MDGA2: variants seen among roughly 807,000 people sequenced by gnomAD.
MDGA2 encodes MAM domain containing glycosylphosphatidylinositol anchor 2.
A neutral mutation model predicts 117.8 loss-of-function variants in MDGA2; 40 were observed. The ratio of observed to expected loss-of-function variants is 0.34; its 90% CI spans 0.26 to 0.44. The LOEUF is 0.44. Among genes scored for constraint, MDGA2 ranks in the 20% least tolerant of loss-of-function variants. The pLI, the probability that MDGA2 is intolerant of heterozygous loss-of-function variation, is 1.00. For missense variants in MDGA2, 1,123 were observed against 1,250.6 expected, an observed-to-expected ratio of 0.90 and a Z score of 1.54; for synonymous variants, 452 against 439.0, an observed-to-expected ratio of 1.03 and a Z score of -0.37.
At chr14:46,978,849 G>C (rs1402906140) in intron 8 of MDGA2, among the ~76,000 whole-genome samples, 5 of 152,050 alleles carry the variant, frequency 3.3e-5, no homozygotes. Flanking sequence ...TAGATACTGA[G>C]TTTGCAAAAA....
intron 1 of MDGA2, among the ~76,000 whole-genome samples, chr14:47,347,212 T>C (rs1383546128): frequency 6.6e-6 from 1 of 152,234 alleles, no homozygotes; most frequent in Admixed American, 6.5e-5. Flanking sequence ...GGCCAGATTT[T>C]ATTTTTAAAA....
chr14:47,522,305 G>A (rs1340428723), intron 1 of MDGA2, among the ~76,000 whole-genome samples: 1 of 150,776 alleles, frequency 6.6e-6, no homozygotes, highest in Non-Finnish European at 1.5e-5. Flanking sequence ...TTATATGTGT[G>A]GGTATATATA....
chr14:46,896,041 T>C (rs1406145057), intron 10 of MDGA2, among the ~76,000 whole-genome samples: 1 of 152,210 alleles, frequency 6.6e-6, no homozygotes, highest in Non-Finnish European at 1.5e-5. Context: ...CTATACACTT[T>C]GATGGATTAT....
At chr14:47,104,035 T>C (rs1880494354) in intron 5 of MDGA2, among the ~76,000 whole-genome samples, 1 of 152,236 alleles carries the variant, frequency 6.6e-6, no homozygotes, top group African/African-American at 2.4e-5. Flanking sequence ...ACTGACTTTG[T>C]ATGTTTACTT....
chr14:47,424,912 A>G (rs1892653998), intron 1 of MDGA2, among the ~76,000 whole-genome samples: 1 of 152,150 alleles, frequency 6.6e-6, no homozygotes, highest in Non-Finnish European at 1.5e-5. Flanking sequence ...GAGATATGGA[A>G]AAGGCATCTT....
At chr14:47,243,362 G>A (rs1309737253) in intron 2 of MDGA2, among the ~76,000 whole-genome samples, 1 of 151,674 alleles carries the variant, frequency 6.6e-6, no homozygotes, top group Non-Finnish European at 1.5e-5. Context: ...CCAGATAAGA[G>A]AATAAAAGCA....
chr14:47,394,982 G>C (rs112808973), intron 1 of MDGA2, among the ~76,000 whole-genome samples: 1 of 151,906 alleles, frequency 6.6e-6, no homozygotes, highest in Non-Finnish European at 1.5e-5. Context: ...TGAGACCCCC[G>C]TCTCTGCAAA....
chr14:47,444,707 T>G (rs548176478), intron 1 of MDGA2, among the ~76,000 whole-genome samples: 4 of 152,050 alleles, frequency 2.6e-5, no homozygotes, highest in Non-Finnish European at 4.4e-5. Context: ...CACCAGACCT[T>G]TAAAAAAATG....
rs778038086 is a variant in MDGA2 at position 46,845,788 on chromosome 14, T to C, written c.2967A>G (p.Ala989=). ...TACTCTTAGTTGCTAGGTCTTGTTT[T>C]GCACATTCTCCTTCTGCAATTGATA... ...DDVSIAEGEC[A]KQDLATKNSV... The change falls in exon 16 of 17, where the codon GCA becomes GCG. Residue 989 remains alanine (A), a synonymous_variant. Coordinates refer to ENST00000399232, the MANE Select transcript of MDGA2 (RefSeq NM_001113498.3). 1 of 1,612,952 alleles carries C rather than the reference T, an allele frequency of 6.2e-7. No homozygotes were observed.
chr14:47,384,998 T>C lies in MDGA2; in HGVS notation c.281-83448A>G, dbSNP rs1253720142. Among the ~76,000 whole-genome samples, 6 of 152,182 alleles carry C rather than the reference T, an allele frequency of 3.9e-5. No homozygotes were observed. The East Asian group carries it at 1.2e-3, about 29-fold the overall frequency. On this transcript the variant is annotated intron_variant, in intron 1 of 16. Coordinates refer to ENST00000399232, the MANE Select transcript of MDGA2 (RefSeq NM_001113498.3). ...AAGGGAGCAAACATTTTTCTTGATG[T>C]GAGCAGACATGATTTCAAGTTCTAA...
chr14:47,067,833 A>AC (rs1313016214), intron 6 of MDGA2, among the ~76,000 whole-genome samples: 1 of 152,202 alleles, frequency 6.6e-6, no homozygotes, highest in Non-Finnish European at 1.5e-5. Context: ...ATGCAGTGTT[A>AC]GTCTTAAAAG....
At chr14:46,987,717 A>G (rs1886913263) in intron 8 of MDGA2, among the ~76,000 whole-genome samples, 1 of 152,082 alleles carries the variant, frequency 6.6e-6, no homozygotes, top group African/African-American at 2.4e-5. Flanking sequence ...GAAGGGAATG[A>G]CAGTGAAACT....
chr14:47,161,372 T>C (rs1883625764), intron 3 of MDGA2, among the ~76,000 whole-genome samples: 2 of 152,054 alleles, frequency 1.3e-5, no homozygotes, highest in South Asian at 4.1e-4. Context: ...TGATTTTCCT[T>C]TGATACAACG....
In MDGA2 at chr14:46,988,851, G is replaced by A. The variant is rs149620987; in HGVS notation, c.1820-31208C>T. 2.4e-3 allele frequency among the ~76,000 whole-genome samples: 368 copies of A among 151,908 alleles called. 2 individuals carry two copies. Among genetic ancestry groups the A allele is most frequent in the African/African-American group, 8.4e-3 (349 of 41,362 alleles). On this transcript the variant is annotated intron_variant, in intron 8 of 16. Transcript: ENST00000399232. ...TTTTCAACTGTTTCTCCACCATGAC[G>A]CTTGGAAAATAGTAGCATGCGCAAC...
intron 1 of MDGA2, chr14:47,342,995 GCTA>G: frequency 9.1e-7 from 1 of 1,093,460 alleles, no homozygotes; most frequent in South Asian, 1.3e-5. Flanking sequence ...CTGGCAGAAT[GCTA>G]CCTCAGGGGA....
intron 7 of MDGA2, among the ~76,000 whole-genome samples, chr14:47,049,360 T>C (rs773656096): frequency 2.0e-5 from 3 of 152,004 alleles, no homozygotes; most frequent in African/African-American, 7.2e-5. Context: ...AAGTCCCTTA[T>C]ATAAAATGGC....
At chr14:46,936,786 G>C (rs1249863316) in intron 9 of MDGA2, among the ~76,000 whole-genome samples, 5 of 150,738 alleles carry the variant, frequency 3.3e-5, no homozygotes, top group African/African-American at 1.2e-4. Flanking sequence ...CATAACACAA[G>C]GAACTTCAAC....
chr14:47,239,306 CACTGAGTTGAAACAT>C, intron 2 of MDGA2, among the ~76,000 whole-genome samples: 1 of 151,136 alleles, frequency 6.6e-6, no homozygotes, highest in East Asian at 1.9e-4. Flanking sequence ...GGACTAGTAT[CACTGAGTTGAAACAT>C]ATCATTATTT....
At chr14:47,561,151 TTGTTTTG>T (rs1466213522) in intron 1 of MDGA2, among the ~76,000 whole-genome samples, 4 of 93,760 alleles carry the variant, frequency 4.3e-5, no homozygotes, top group African/African-American at 1.3e-4. Flanking sequence ...GTTTTTTTTT[TTGTTTTG>T]TTTTGTTTTT....
Sources: allele counts gnomAD v4.1 joint callset (sites outside exome capture counted in the v4.1 genomes callset), GRCh38; gene constraint gnomAD v4.1.1; transcripts MANE v1.5; gene names NCBI Gene and HGNC (gene_info 2026-07-23, HGNC 2026-07-21).